The following SLC9C1 variants were observed in gnomAD, a reference collection of about 807,000 sequenced individuals.
SLC9C1 encodes solute carrier family 9 member C1.
In SLC9C1, 97 loss-of-function variants were observed where a neutral mutation model predicts 140.9. The ratio of observed to expected loss-of-function variants is 0.69; its 90% CI spans 0.58 to 0.82. The LOEUF is 0.82. Ranked by LOEUF, SLC9C1 falls within the 40% of genes least tolerant of loss-of-function variation. The probability of loss-of-function intolerance (pLI) is 0.00; values close to 1 mark genes in which losing one functional copy is unlikely to be tolerated. For missense variants in SLC9C1, 1,340 were observed against 1,389.3 expected (o/e 0.96, Z 0.56); for synonymous variants, 440 against 442.6 (o/e 0.99, Z 0.07).
At chr3:112,167,084 T>C in intron 26 of SLC9C1, 137 bp downstream of exon 26, 1 of 871,526 alleles carries the variant, frequency 1.1e-6, no homozygotes, top group Non-Finnish European at 1.7e-6. Context: ...AACTCATACA[T>C]TGAATAGCAA....
intron 3 of SLC9C1, 72 bp downstream of exon 3, chr3:112,280,611 A>C: frequency 2.9e-6 from 4 of 1,379,206 alleles, no homozygotes; most frequent in Non-Finnish European, 2.9e-6. Context: ...ACTTTTGCAA[A>C]TTTTAAATGC....
chr3:112,210,338 A>T (rs1250316459), intron 15 of SLC9C1, among the ~76,000 whole-genome samples: 1 of 152,244 alleles, frequency 6.6e-6, no homozygotes, highest in African/African-American at 2.4e-5. Flanking sequence ...CTTAAATAGG[A>T]ATCACATATT....
chr3:112,211,124 AAAT>A (rs1202080807), intron 15 of SLC9C1, among the ~76,000 whole-genome samples: 5 of 152,204 alleles, frequency 3.3e-5, no homozygotes, highest in Non-Finnish European at 7.3e-5. Context: ...CTATGACTGT[AAAT>A]AAGGCCATTT....
intron 7 of SLC9C1, among the ~76,000 whole-genome samples, chr3:112,267,956 G>T (rs1559735240): frequency 6.6e-6 from 1 of 152,070 alleles, no homozygotes; most frequent in Non-Finnish European, 1.5e-5. Context: ...AGGTCACAGG[G>T]AAAGTCTTTT....
rs1440613690 is a variant in SLC9C1 at position 112,241,655 on chromosome 3, A to G, written c.1280-1649T>C. On this transcript the variant is annotated intron_variant, in intron 11 of 28. Transcript: ENST00000305815. ...CAAATAGCCAATGCAATCCTAAGCA[A>G]ACAGAACGAAGCCAGAAGCATCACA... Among the ~76,000 whole-genome samples, 3 of 152,224 alleles carry G rather than the reference A, an allele frequency of 2.0e-5. No homozygotes were observed. In the East Asian group the frequency reaches 5.8e-4, roughly 29 times the overall value.
chr3:112,277,963 A>G (rs1233922223), intron 4 of SLC9C1, 103 bp from the exon 5 acceptor site: 1 of 937,472 alleles, frequency 1.1e-6, no homozygotes, highest in African/African-American at 1.7e-5. Flanking sequence ...ACCAACACCA[A>G]CAGTACCCAC....
intron 28 of SLC9C1, among the ~76,000 whole-genome samples, chr3:112,143,128 C>G (rs1002215746): frequency 3.3e-5 from 5 of 152,108 alleles, no homozygotes; most frequent in African/African-American, 1.2e-4. Context: ...CTTTATTCAA[C>G]CCACCACTGA....
intron 1 of SLC9C1, among the ~76,000 whole-genome samples, chr3:112,289,989 T>C (rs1381709189): frequency 2.0e-5 from 3 of 152,202 alleles, no homozygotes; most frequent in Non-Finnish European, 4.4e-5. Context: ...CTGGGAACTC[T>C]AAAAGCTTTC....
chr3:112,145,589 CT>C (rs61547345), intron 28 of SLC9C1, among the ~76,000 whole-genome samples: 2 of 28,244 alleles, frequency 7.1e-5, no homozygotes, highest in African/African-American at 1.5e-4. Flanking sequence ...CTGCCCTTGG[CT>C]TTTTTTTTTT....
intron 17 of SLC9C1, among the ~76,000 whole-genome samples, 160 bp from the exon 18 acceptor site, chr3:112,202,559 T>G (rs2077934174): frequency 6.6e-6 from 1 of 152,014 alleles, no homozygotes; most frequent in Non-Finnish European, 1.5e-5. Flanking sequence ...AGTGGTATCT[T>G]TATAACTTCA....
At chr3:112,185,818 G>A (rs2077526235) in intron 20 of SLC9C1, 6 of 1,576,928 alleles carry the variant, frequency 3.8e-6, no homozygotes, top group Non-Finnish European at 5.1e-6. Flanking sequence ...TAGCGCAGGG[G>A]AGTGCCCTCC....
chr3:112,271,665 T>A (rs550149471), intron 6 of SLC9C1, among the ~76,000 whole-genome samples: 2 of 152,168 alleles, frequency 1.3e-5, no homozygotes, highest in East Asian at 3.9e-4. Flanking sequence ...GTAATAGATT[T>A]TAGAGATATA....
intron 20 of SLC9C1, among the ~76,000 whole-genome samples, chr3:112,188,076 G>A (rs1296086649): frequency 6.6e-6 from 1 of 151,808 alleles, no homozygotes; most frequent in Non-Finnish European, 1.5e-5. Context: ...TACCACACTT[G>A]CATGGCCATA....
At chr3:112,281,062 T>C (rs2080345223) in intron 2 of SLC9C1, among the ~76,000 whole-genome samples, 1 of 152,208 alleles carries the variant, frequency 6.6e-6, no homozygotes, top group South Asian at 2.1e-4. Context: ...TATTGAAATA[T>C]TTATAGTAGT....
In SLC9C1 at chr3:112,154,984, G is replaced by A. The variant is rs1217035403; in HGVS notation, c.3417+13C>T. 1 of 1,607,866 alleles carries A rather than the reference G, an allele frequency of 6.2e-7. No individual in the cohort carries two copies. Among genetic ancestry groups the A allele is most frequent in the African/African-American group, 1.3e-5 (1 of 74,358 alleles). Reference sequence around the variant, plus strand: ...CCAAAATACAACTTTTAGAAAGGCTGCTTTAAATTTACCTCCTTAACATTT... The same window carrying A: ...CCAAAATACAACTTTTAGAAAGGCTACTTTAAATTTACCTCCTTAACATTT... On this transcript the variant is annotated intron_variant, in intron 27 of 28. Transcript: ENST00000305815.
At chr3:112,183,370 T>TTTTTTTTTTTTTTTTC (rs1560039720) in intron 20 of SLC9C1, among the ~76,000 whole-genome samples, 1 of 128,848 alleles carries the variant, frequency 7.8e-6, no homozygotes, top group African/African-American at 2.9e-5. Flanking sequence ...TTTTTTTTTT[T>TTTTTTTTTTTTTTTTC]CAGCCAATCA....
intron 25 of SLC9C1, among the ~76,000 whole-genome samples, chr3:112,168,470 A>G (rs4611790): frequency 1 from 151,610 of 152,298 alleles, 75,466 homozygotes; most frequent in Middle Eastern, 1. Flanking sequence ...AAGCAGCTGT[A>G]GGAATACTAC....
chr3:112,229,587 C>G (rs1334488408), intron 13 of SLC9C1, among the ~76,000 whole-genome samples: 1 of 151,576 alleles, frequency 6.6e-6, no homozygotes, highest in Non-Finnish European at 1.5e-5. Context: ...GATTATCAAG[C>G]AAAAGGGTGT....
chr3:112,200,328 T>C (rs2077875267), intron 19 of SLC9C1, among the ~76,000 whole-genome samples: 1 of 152,232 alleles, frequency 6.6e-6, no homozygotes, highest in Middle Eastern at 3.4e-3. Flanking sequence ...CCTAAATCCT[T>C]AAATGGCAGC....
Sources: allele counts gnomAD v4.1 joint callset (sites outside exome capture counted in the v4.1 genomes callset), GRCh38; gene constraint gnomAD v4.1.1; transcripts MANE v1.5; gene names NCBI Gene and HGNC (gene_info 2026-07-23, HGNC 2026-07-21).